CRHR2: variants seen among roughly 807,000 people sequenced by gnomAD.
CRHR2 encodes the protein corticotropin-releasing hormone receptor 2.
CRHR2 carries 53 observed loss-of-function variants against 57.9 expected under a neutral mutation model. That is an observed-to-expected ratio of 0.92 (90% confidence interval 0.73 to 1.15). The LOEUF (loss-of-function observed/expected upper bound fraction) is 1.15, where lower values mean the gene tolerates loss of function less well. Ranked by LOEUF, CRHR2 falls within the 50% of genes most tolerant of loss-of-function variation. The pLI is 0.00. For synonymous variants in CRHR2, 213 were observed against 220.9 expected (o/e 0.96, Z 0.32); for missense variants, 532 against 542.6 (o/e 0.98, Z 0.19).
chr7:30,693,891 A>G (rs1443494075), intron 1 of CRHR2, among the ~76,000 whole-genome samples: 1 of 152,150 alleles, frequency 6.6e-6, no homozygotes, highest in Non-Finnish European at 1.5e-5. Flanking sequence ...AAGAAATGGA[A>G]TGTTTTCCTG....
chr7:30,694,692 T>G (rs184564871), intron 1 of CRHR2, among the ~76,000 whole-genome samples: 32 of 152,232 alleles, frequency 2.1e-4, no homozygotes, highest in Non-Finnish European at 4.4e-4. Flanking sequence ...ACCCCATGTT[T>G]GCTTTCATTC....
At position 30,653,297 on chromosome 7, in the gene CRHR2, CT is replaced by C; in HGVS notation, c.*162del. 1 of 1,032,838 alleles carries C rather than the reference CT, an allele frequency of 9.7e-7. No homozygotes were observed. The highest frequency in any genetic ancestry group is 1.4e-6 in the Non-Finnish European group (1 of 712,534). The allele number at this position is 1,032,838 out of a possible 1,614,324, so 64.0% of individuals were successfully genotyped here. The stretch of plus-strand genomic sequence containing the variant: ...TGGTGGCCCCCACTCATCCCTGTCC[CT>C]TGCAGTCCCCCTTGGCTGCCGCACC... On this transcript the variant is annotated 3_prime_UTR_variant, in exon 12 of 12. Transcript: ENST00000471646. This position sits in a 1 kb window ranked among gnomAD's most constrained non-coding sequence, Gnocchi z 5.0.
intron 2 of CRHR2, among the ~76,000 whole-genome samples, chr7:30,687,989 A>T (rs1480061945): frequency 6.6e-6 from 1 of 152,212 alleles, no homozygotes; most frequent in Non-Finnish European, 1.5e-5. Flanking sequence ...CTAGCTTCAG[A>T]TGGTGTCACA....
At chr7:30,688,088 G>C (rs886572853) in intron 2 of CRHR2, among the ~76,000 whole-genome samples, 2 of 152,216 alleles carry the variant, frequency 1.3e-5, no homozygotes. Flanking sequence ...TAGGGTCTTC[G>C]ATGAGGTGAT....
At chr7:30,673,992 A>G (rs2284217) in intron 2 of CRHR2, among the ~76,000 whole-genome samples, 110,515 of 151,962 alleles carry the variant, frequency 0.73, 40,574 homozygotes, top group Middle Eastern at 0.81. Context: ...AGGCCAGGGA[A>G]CTTGGATTCC....
chr7:30,656,088 T>G lies in CRHR2; in HGVS notation c.832-76A>C. ...TGAGATGAGCCGAGAGGCAGCCCCCTTCCCCGCAGACCCCTGGAAACCGAT... is the reference window on the plus strand; with the variant it reads ...TGAGATGAGCCGAGAGGCAGCCCCCGTCCCCGCAGACCCCTGGAAACCGAT... On this transcript the variant is annotated intron_variant, in intron 8 of 11. Coordinates refer to ENST00000471646, the MANE Select transcript of CRHR2 (RefSeq NM_001883.5). The surrounding 1 kb of genome is among the most constrained non-coding windows in gnomAD (Gnocchi z 4.4). 1 of 1,377,594 alleles carries G rather than the reference T, an allele frequency of 7.3e-7. No homozygotes were observed. The highest frequency in any genetic ancestry group is 1.0e-6 in the Non-Finnish European group (1 of 972,644). The allele number at this position is 1,377,594 out of a possible 1,614,324, so 85.3% of individuals were successfully genotyped here.
intron 2 of CRHR2, among the ~76,000 whole-genome samples, chr7:30,669,762 T>C (rs1009301280): frequency 6.6e-6 from 1 of 152,190 alleles, no homozygotes; most frequent in African/African-American, 2.4e-5. Context: ...TAAAGTCCAA[T>C]TTCTTAGCAT....
At chr7:30,686,538 G>A (rs1784860768), upstream of CRHR2, 1 of 1,510,760 alleles carries the variant, frequency 6.6e-7, no homozygotes, top group Non-Finnish European at 8.8e-7. Context: ...GCCAGGTGCA[G>A]TGGCTCACAC....
chr7:30,685,825 AGATAAAAC>A (rs1784845189), upstream of CRHR2, among the ~76,000 whole-genome samples: 2 of 152,204 alleles, frequency 1.3e-5, no homozygotes, highest in African/African-American at 4.8e-5. Flanking sequence ...TCCTCATGGC[AGATAAAAC>A]GATGTTTTAT....
chr7:30,690,588 G>T (rs757822907), intron 1 of CRHR2, among the ~76,000 whole-genome samples: 2 of 152,128 alleles, frequency 1.3e-5, no homozygotes, highest in Non-Finnish European at 2.9e-5. Context: ...GTCAATGTTT[G>T]CCCCAGGATG....
chr7:30,686,306 G>A, upstream of CRHR2: 1 of 1,414,062 alleles, frequency 7.1e-7, no homozygotes, highest in Non-Finnish European at 9.2e-7. Context: ...GGCAGGGCTG[G>A]TCCTGGTTCA....
chr7:30,673,228 G>T (rs2251002), intron 2 of CRHR2, among the ~76,000 whole-genome samples: 10 of 145,552 alleles, frequency 6.9e-5, no homozygotes, highest in African/African-American at 1.1e-4. Flanking sequence ...TTTTTTTTTT[G>T]AGATGGGGTC....
upstream of CRHR2, among the ~76,000 whole-genome samples, chr7:30,683,165 A>G (rs570799614): frequency 5.3e-5 from 8 of 152,328 alleles, no homozygotes; most frequent in South Asian, 1.5e-3. Context: ...CTGGGTGGCC[A>G]TTTAATCAGA....
chr7:30,687,124 A>C (rs1784871111), upstream of CRHR2, among the ~76,000 whole-genome samples: 1 of 152,100 alleles, frequency 6.6e-6, no homozygotes, highest in African/African-American at 2.4e-5. Context: ...TAAAAGATAT[A>C]GTGTTTGGTT....
intron 2 of CRHR2, among the ~76,000 whole-genome samples, chr7:30,688,026 G>T (rs1351984251): frequency 6.6e-6 from 1 of 152,180 alleles, no homozygotes; most frequent in Non-Finnish European, 1.5e-5. Flanking sequence ...TCCAAAATTT[G>T]TATGTTGAAG....
intron 1 of CRHR2, among the ~76,000 whole-genome samples, chr7:30,689,460 A>C (rs749614561): frequency 6.6e-6 from 1 of 152,166 alleles, no homozygotes; most frequent in African/African-American, 2.4e-5. Context: ...CCTGGGCTGG[A>C]CCGAAGAAAG....
intron 8 of CRHR2, among the ~76,000 whole-genome samples, chr7:30,657,218 G>C (rs1291255779): frequency 6.6e-6 from 1 of 152,158 alleles, no homozygotes; most frequent in African/African-American, 2.4e-5. Context: ...ACAGGATACA[G>C]ACAGATATCC....
intron 1 of CRHR2, among the ~76,000 whole-genome samples, chr7:30,693,339 G>A (rs975281044): frequency 6.6e-6 from 1 of 152,262 alleles, no homozygotes; most frequent in East Asian, 1.9e-4. Flanking sequence ...CTTGGGGAAG[G>A]GAGACGGGCT....
Position 30,682,300 on chromosome 7 carries a change from C to CGGAGAG in CRHR2, c.-26_-21dup. 3.2e-6 allele frequency: 5 copies of CGGAGAG among 1,545,976 alleles called. No individual in the cohort carries two copies. The highest frequency in any genetic ancestry group is 3.5e-6 in the Non-Finnish European group (4 of 1,153,408). ...GTCCATCGCGTCCCGCAGCCGCGTG[C>CGGAGAG]GGAGAGGGAGTGGGAGTGCGCGCCC... On this transcript the variant is annotated 5_prime_UTR_variant, in exon 1 of 12. Coordinates refer to ENST00000471646, the MANE Select transcript of CRHR2 (RefSeq NM_001883.5).
Sources: gnomAD v4.1 joint callset for allele counts (sites outside exome capture counted in the v4.1 genomes callset) on GRCh38, gnomAD v4.1.1 for gene constraint, Gnocchi (gnomAD v3.1) non-coding constraint, MANE v1.5 for transcripts, NCBI Gene and HGNC (gene_info 2026-07-23, HGNC 2026-07-21) for gene names.